PHKA2: variants seen among roughly 807,000 people sequenced by gnomAD.
PHKA2 encodes the protein phosphorylase b kinase regulatory subunit alpha, liver isoform.
A neutral mutation model predicts 102.0 loss-of-function variants in PHKA2; 31 were observed. That is an observed-to-expected ratio of 0.30 (90% CI 0.23 to 0.41). The LOEUF is 0.41. Ranked by LOEUF, PHKA2 falls within the 10% of genes least tolerant of loss-of-function variation. PHKA2 has a pLI of 1.00. For missense variants in PHKA2, 858 were observed against 1,023.1 expected, an observed-to-expected ratio of 0.84 and a Z score of 2.20; for synonymous variants, 455 against 416.2, an observed-to-expected ratio of 1.09 and a Z score of -1.13.
intron 1 of PHKA2, among the ~76,000 whole-genome samples, chrX:18,975,170 C>A (rs2049069301): frequency 9.0e-6 from 1 of 111,445 alleles, no homozygotes; most frequent in Admixed American, 9.6e-5. Context: ...GTGTCCCCAC[C>A]CATATCTCAT....
At chrX:18,907,470 C>T (rs1293854934) in intron 22 of PHKA2, among the ~76,000 whole-genome samples, 3 of 112,197 alleles carry the variant, frequency 2.7e-5, no homozygotes, top group Non-Finnish European at 5.6e-5. Flanking sequence ...CTAAGTTACC[C>T]GTTTCCCCAT....
intron 14 of PHKA2, among the ~76,000 whole-genome samples, 158 bp from the exon 15 acceptor site, chrX:18,925,935 G>T (rs1008697879): frequency 9.0e-6 from 1 of 111,595 alleles, no homozygotes; most frequent in African/African-American, 3.3e-5. Flanking sequence ...GCACGAAGCT[G>T]AATATTAAAA....
chrX:18,940,142 A>C lies in PHKA2; in HGVS notation c.865-94T>G, dbSNP rs1002443056. ...GCACCCTCTTTCCCATGAATCTTTT[A>C]GTAATGAATTTTATACCAAGTGTTC... On this transcript the variant is annotated intron_variant, in intron 8 of 32. Coordinates refer to ENST00000379942, the MANE Select transcript of PHKA2 (RefSeq NM_000292.3). 4.0e-5 allele frequency: 24 copies of C among 604,405 alleles called. No homozygotes were observed. The African/African-American group carries it at 5.3e-4, about 13-fold the overall frequency. The allele number at this position is 604,405 out of a possible 1,213,427, so 49.8% of individuals were successfully genotyped here. A position where few individuals can be genotyped will look rare whatever the true frequency, so the allele number is the denominator to read the frequency against.
chrX:18,958,532 TA>T (rs1166135939), intron 1 of PHKA2, among the ~76,000 whole-genome samples: 1 of 111,198 alleles, frequency 9.0e-6, no homozygotes, highest in Non-Finnish European at 1.9e-5. Flanking sequence ...TCAATAGTTT[TA>T]ATTTTTTGTC....
At chrX:18,896,584 T>G (rs2047560406) in intron 30 of PHKA2, 1 of 139,359 alleles carries the variant, frequency 7.2e-6, no homozygotes, top group Non-Finnish European at 1.4e-5. Flanking sequence ...GCAGGTACCC[T>G]GGGAGGGTGG....
rs867318766 is a variant in PHKA2, at chrX:18,918,805, T to C, written c.2013A>G (p.Thr671=). 4 of 1,209,274 alleles carry C rather than the reference T, an allele frequency of 3.3e-6. No individual in the cohort carries two copies. The highest frequency in any genetic ancestry group is 2.3e-4 in the Middle Eastern group (1 of 4,374). Reference sequence around the variant, plus strand: ...GAGGAGGCAGATAGGACCTCAACGATGTGCTTTGCAGAAGGTGGTTGATAT... The same window carrying C: ...GAGGAGGCAGATAGGACCTCAACGACGTGCTTTGCAGAAGGTGGTTGATAT... ...DHYINHLLQS[T]SLRSYLPPLC... is the part of the protein sequence containing the mutation. Residue 671 remains threonine (T), a synonymous_variant, in exon 19 of 33, where the codon ACA becomes ACG. Coordinates refer to ENST00000379942, the MANE Select transcript of PHKA2 (RefSeq NM_000292.3).
At chrX:18,947,196 G>T (rs1347795586) in intron 5 of PHKA2, among the ~76,000 whole-genome samples, 2 of 112,084 alleles carry the variant, frequency 1.8e-5, no homozygotes, top group South Asian at 3.7e-4. Flanking sequence ...AAGTAGCTGC[G>T]ACAGAGACCC....
In PHKA2 at chrX:18,906,944, C is replaced by A. The variant is rs751227167; in HGVS notation, c.2597+74G>T. The A allele has an allele frequency of 3.9e-6, 4 of 1,028,823 alleles. No individual in the cohort carries two copies. In the East Asian group the frequency reaches 1.2e-4, roughly 32 times the overall value. The allele number at this position is 1,028,823 out of a possible 1,213,427, so 84.8% of individuals were successfully genotyped here. A position where few individuals can be genotyped will look rare whatever the true frequency, so the allele number is the denominator to read the frequency against. The stretch of plus-strand genomic sequence containing the variant: ...ACAGAGTGTCTTTAAAAAGCCCCTC[C>A]TCCGAACACTGGGAAGCGCTGTTTT... On this transcript the variant is annotated intron_variant, in intron 23 of 32. Coordinates refer to ENST00000379942, the MANE Select transcript of PHKA2 (RefSeq NM_000292.3).
At chrX:18,967,608 G>A (rs1406166282) in intron 1 of PHKA2, among the ~76,000 whole-genome samples, 3 of 107,535 alleles carry the variant, frequency 2.8e-5, no homozygotes, top group African/African-American at 1.0e-4. Context: ...CATTCAAGGT[G>A]GGGAATTTCC....
At chrX:18,967,348 C>T (rs1351496398) in intron 1 of PHKA2, among the ~76,000 whole-genome samples, 2 of 111,369 alleles carry the variant, frequency 1.8e-5, no homozygotes, top group Non-Finnish European at 3.8e-5. Flanking sequence ...GCATTTTGTT[C>T]TAGGAGTTAC....
intron 1 of PHKA2, among the ~76,000 whole-genome samples, chrX:18,958,922 C>T (rs779052932): frequency 6.7e-4 from 75 of 111,976 alleles, no homozygotes; most frequent in African/African-American, 2.4e-3. Flanking sequence ...GTTGGTCAGG[C>T]TGGTCTTGAA....
intron 26 of PHKA2, among the ~76,000 whole-genome samples, chrX:18,901,812 A>G (rs1171974941): frequency 9.2e-6 from 1 of 109,266 alleles, no homozygotes; most frequent in East Asian, 2.9e-4. Flanking sequence ...CCATTATAAC[A>G]CAGTGGCCAG....
intron 8 of PHKA2, 85 bp downstream of exon 8, chrX:18,941,444 T>A: frequency 1.2e-6 from 1 of 865,259 alleles, no homozygotes; most frequent in Non-Finnish European, 1.7e-6. Context: ...ATCAAGCAAT[T>A]AACCTCATGG....
At chrX:18,901,397 C>A (rs1354762959) in intron 27 of PHKA2, 88 bp downstream of exon 27, 5 of 602,699 alleles carry the variant, frequency 8.3e-6, no homozygotes, top group Non-Finnish European at 1.5e-5. Context: ...GGGCTGCAGC[C>A]TCATGCCCTA....
chrX:18,968,095 T>C (rs1405385242), intron 1 of PHKA2, among the ~76,000 whole-genome samples: 1 of 110,982 alleles, frequency 9.0e-6, no homozygotes, highest in Admixed American at 9.6e-5. Flanking sequence ...AACAAAACAT[T>C]AAAAAAAAAT....
Position 18,892,641 on chromosome X carries a change from CACAGGAGG to C in PHKA2, c.*836_*843del, listed in dbSNP as rs2047444850. The C allele has an allele frequency of 8.9e-6, 1 of 112,445 alleles. No homozygotes were observed. Among genetic ancestry groups the C allele is most frequent in the Non-Finnish European group, 1.9e-5 (1 of 53,383 alleles). 9.3% of individuals were successfully genotyped at this position (112,445 alleles called of 1,213,427 possible). A position where few individuals can be genotyped will look rare whatever the true frequency, so the allele number is the denominator to read the frequency against. ...TCACCCTATGACGCCTCGCCCAGAGCACAGGAGGACAGTATCCACTGCGGGGCGTTCAC... is the reference window on the plus strand; with the variant it reads ...TCACCCTATGACGCCTCGCCCAGAGCACAGTATCCACTGCGGGGCGTTCAC... On this transcript the variant is annotated 3_prime_UTR_variant, in exon 33 of 33. Coordinates refer to ENST00000379942, the MANE Select transcript of PHKA2 (RefSeq NM_000292.3).
At position 18,940,033 on chromosome X, in the gene PHKA2, A is replaced by G. The variant is rs777543851; in HGVS notation, c.880T>C (p.Cys294Arg). Residue 294 changes from cysteine to arginine, a missense_variant, in exon 9 of 33, where the codon TGT (cysteine) becomes CGT (arginine). Physicochemically the swap from Cys to Arg is radical, Grantham distance 180. Coordinates refer to ENST00000379942, the MANE Select transcript of PHKA2 (RefSeq NM_000292.3). ...ISKLQGRYGC[C>R]RFLRDGYKTP... is the part of the protein sequence containing the mutation. ...TTATAACCATCTCGAAGGAAGCGAC[A>G]GCATCCATAACGCCCCTAATAAGAG... 8.4e-7 allele frequency: 1 copy of G among 1,196,854 alleles called. No homozygotes were observed.
chrX:18,952,625 C>CCA, intron 2 of PHKA2, 84 bp from the exon 3 acceptor site: 4 of 922,816 alleles, frequency 4.3e-6, no homozygotes, highest in South Asian at 2.0e-5. Context: ...GGCTGGCAAG[C>CCA]CAGTGCTGCC....
intron 13 of PHKA2, among the ~76,000 whole-genome samples, chrX:18,928,867 T>TC (rs1194823210): frequency 8.9e-6 from 1 of 112,864 alleles, no homozygotes; most frequent in Admixed American, 9.3e-5. Flanking sequence ...ATGTCAGGAC[T>TC]CCAAGGGAGG....
Sources: allele counts gnomAD v4.1 joint callset (sites outside exome capture counted in the v4.1 genomes callset), GRCh38; gene constraint gnomAD v4.1.1; transcripts MANE v1.5; gene names NCBI Gene and HGNC (gene_info 2026-07-23, HGNC 2026-07-21).